The following BABAM2 variants were observed in gnomAD, a reference collection of about 807,000 sequenced individuals.
BABAM2 encodes BRISC and BRCA1 A complex member 2.
BABAM2 carries 31 observed loss-of-function variants against 54.7 expected under a neutral mutation model. The observed-to-expected ratio is 0.57, with a 90% CI of 0.43 to 0.77. The LOEUF (loss-of-function observed/expected upper bound fraction) is 0.77. BABAM2 is among the 30% of genes least tolerant of loss of function. The pLI is 0.00. For synonymous variants in BABAM2, 167 were observed against 162.9 expected, an observed-to-expected ratio of 1.03 and a Z score of -0.19; for missense variants, 364 against 455.8, an observed-to-expected ratio of 0.80 and a Z score of 1.83.
intron 6 of BABAM2, among the ~76,000 whole-genome samples, chr2:28,049,214 G>A (rs896715634): frequency 6.6e-6 from 1 of 152,128 alleles, no homozygotes; most frequent in Non-Finnish European, 1.5e-5. Context: ...CTAGAGCTAG[G>A]AATCCCTTCA....
intron 7 of BABAM2, among the ~76,000 whole-genome samples, chr2:28,184,357 C>A (rs1405258265): frequency 7.2e-6 from 1 of 139,110 alleles, no homozygotes; most frequent in East Asian, 2.3e-4. Flanking sequence ...ACTTTAAGTT[C>A]TAGGGTACAT....
At chr2:28,107,571 T>G (rs1667636537) in intron 6 of BABAM2, among the ~76,000 whole-genome samples, 1 of 152,128 alleles carries the variant, frequency 6.6e-6, no homozygotes, top group Admixed American at 6.5e-5. Flanking sequence ...CCCCTTATCC[T>G]TTTTACTCCC....
At chr2:28,207,533 A>T (rs6740065) in intron 7 of BABAM2, among the ~76,000 whole-genome samples, 1,920 of 152,140 alleles carry the variant, frequency 0.013, 30 homozygotes, top group African/African-American at 0.044. Flanking sequence ...TGACAGCAAG[A>T]CCCTGTCTCA....
intron 7 of BABAM2, among the ~76,000 whole-genome samples, chr2:28,220,315 G>T (rs765973117): frequency 6.6e-6 from 1 of 152,114 alleles, no homozygotes; most frequent in Non-Finnish European, 1.5e-5. Flanking sequence ...CAACCTTACA[G>T]GGCTTTTGTA....
At chr2:28,104,238 C>T (rs1404858449) in intron 6 of BABAM2, among the ~76,000 whole-genome samples, 2 of 152,254 alleles carry the variant, frequency 1.3e-5, no homozygotes, top group East Asian at 1.9e-4. Flanking sequence ...AAGAAACTAC[C>T]ATCAGAGTGA....
At chr2:28,268,391 G>A (rs1685158590) in intron 10 of BABAM2, among the ~76,000 whole-genome samples, 1 of 152,190 alleles carries the variant, frequency 6.6e-6, no homozygotes, top group Non-Finnish European at 1.5e-5. Flanking sequence ...TGGAGAGAGA[G>A]GGATGGCAAG....
chr2:28,213,006 C>T (rs1430633711), intron 7 of BABAM2, among the ~76,000 whole-genome samples: 1 of 152,076 alleles, frequency 6.6e-6, no homozygotes, highest in Admixed American at 6.6e-5. Flanking sequence ...ATCATTTGAG[C>T]CCAGCCAGGA....
chr2:28,154,960 A>G (rs1177167576), intron 7 of BABAM2, among the ~76,000 whole-genome samples: 1 of 152,186 alleles, frequency 6.6e-6, no homozygotes, highest in Non-Finnish European at 1.5e-5. Context: ...TCTCCGTGCT[A>G]TTCCTACCTT....
intron 5 of BABAM2, among the ~76,000 whole-genome samples, chr2:28,042,295 T>C (rs561027806): frequency 1.3e-5 from 2 of 152,306 alleles, no homozygotes; most frequent in South Asian, 4.1e-4. Flanking sequence ...TTGGGAGTCA[T>C]CAGCATATAC....
chr2:28,053,122 A>C (rs1485295467), intron 6 of BABAM2, among the ~76,000 whole-genome samples: 1 of 152,220 alleles, frequency 6.6e-6, no homozygotes, highest in Non-Finnish European at 1.5e-5. Context: ...CACATGTAAG[A>C]TAGAAACATT....
chr2:27,920,343 C>T (rs1367370389), intron 2 of BABAM2, among the ~76,000 whole-genome samples: 4 of 152,080 alleles, frequency 2.6e-5, no homozygotes, highest in Admixed American at 2.6e-4. Context: ...ATAAAATGCT[C>T]ATGTTTTAGA....
At chr2:28,027,825 A>G (rs1675986897) in intron 5 of BABAM2, among the ~76,000 whole-genome samples, 1 of 152,148 alleles carries the variant, frequency 6.6e-6, no homozygotes, top group Non-Finnish European at 1.5e-5. Flanking sequence ...CATTGTTTAA[A>G]CATTTTTTTA....
At chr2:28,263,964 T>C (rs1462490246) in intron 10 of BABAM2, among the ~76,000 whole-genome samples, 3 of 152,232 alleles carry the variant, frequency 2.0e-5, no homozygotes, top group Non-Finnish European at 4.4e-5. Context: ...CTAGTGAAGA[T>C]AATTGCCAAA....
At chr2:28,184,015 G>GAACA (rs1675959170) in intron 7 of BABAM2, among the ~76,000 whole-genome samples, 1 of 152,002 alleles carries the variant, frequency 6.6e-6, no homozygotes, top group African/African-American at 2.4e-5. Context: ...CTAGTTTGTT[G>GAACA]AACAATGAAA....
chr2:28,150,079 T>C (rs1231281243), intron 7 of BABAM2, among the ~76,000 whole-genome samples: 1 of 152,242 alleles, frequency 6.6e-6, no homozygotes, highest in African/African-American at 2.4e-5. Context: ...CTAATTTCTA[T>C]GAGGAGCTCA....
At chr2:28,182,288 A>C (rs1251693194) in intron 7 of BABAM2, among the ~76,000 whole-genome samples, 3 of 152,206 alleles carry the variant, frequency 2.0e-5, no homozygotes, top group African/African-American at 7.2e-5. Context: ...TAGGGACAGG[A>C]GTTCTTCTGC....
intron 11 of BABAM2, chr2:28,327,592 G>A (rs1198546468): frequency 3.1e-6 from 3 of 971,344 alleles, no homozygotes; most frequent in African/African-American, 1.7e-5. Context: ...TGAGACCACA[G>A]TCAGCCTTCT....
At chr2:28,177,264 GA>G (rs566586746) in intron 7 of BABAM2, among the ~76,000 whole-genome samples, 10,249 of 139,746 alleles carry the variant, frequency 0.073, 420 homozygotes, top group South Asian at 0.13. Context: ...AGTACTGAAA[GA>G]AAAAAAAAAA....
intron 10 of BABAM2, among the ~76,000 whole-genome samples, chr2:28,259,013 G>C (rs1349022198): frequency 8.1e-6 from 1 of 123,212 alleles, no homozygotes; most frequent in Non-Finnish European, 1.6e-5. Context: ...TTGTCCTCAT[G>C]ATCCACCCAC....
Sources: allele counts gnomAD v4.1 joint callset (sites outside exome capture counted in the v4.1 genomes callset), GRCh38; gene constraint gnomAD v4.1.1; transcripts MANE v1.5; gene names NCBI Gene and HGNC (gene_info 2026-07-23, HGNC 2026-07-21).